Variants in COX10 observed in about 807,000 individuals in gnomAD.
COX10 encodes the protein protoheme IX farnesyltransferase, mitochondrial.
In COX10, 27 loss-of-function variants were observed where a neutral mutation model predicts 37.3. That is an observed-to-expected ratio of 0.72 (90% CI 0.53 to 1.00). COX10 has a LOEUF of 1.00. COX10 is among the 50% of genes least tolerant of loss of function. COX10 has a pLI of 0.00. For synonymous variants in COX10, 222 were observed against 229.1 expected, an observed-to-expected ratio of 0.97 and a Z score of 0.28; for missense variants, 475 against 563.2, an observed-to-expected ratio of 0.84 and a Z score of 1.59.
intron 3 of COX10, among the ~76,000 whole-genome samples, chr17:14,091,397 G>A (rs1320409800): frequency 6.6e-6 from 1 of 152,120 alleles, no homozygotes; most frequent in African/African-American, 2.4e-5. Flanking sequence ...CACCAATAAG[G>A]GAAGTCTTTT....
intron 4 of COX10, among the ~76,000 whole-genome samples, chr17:14,122,427 AT>A (rs1916250568): frequency 6.6e-6 from 1 of 152,194 alleles, no homozygotes; most frequent in Admixed American, 6.5e-5. Context: ...ATCCTTGCTT[AT>A]CCACTTACAG....
At chr17:14,070,570 A>G (rs1374168556) in intron 1 of COX10, among the ~76,000 whole-genome samples, 1 of 152,144 alleles carries the variant, frequency 6.6e-6, no homozygotes, top group Non-Finnish European at 1.5e-5. Flanking sequence ...TAGATGATTA[A>G]CTAATGGTTG....
chr17:14,146,497 C>A (rs923064716), intron 4 of COX10, among the ~76,000 whole-genome samples: 1 of 152,064 alleles, frequency 6.6e-6, no homozygotes, highest in Non-Finnish European at 1.5e-5. Context: ...AAAATCAAAT[C>A]AAAATGGATT....
chr17:14,112,899 G>T (rs1225563294), intron 4 of COX10, among the ~76,000 whole-genome samples: 1 of 152,150 alleles, frequency 6.6e-6, no homozygotes, highest in East Asian at 1.9e-4. Context: ...AAAGAAGCAG[G>T]AGGGCAGGCC....
At chr17:14,156,043 C>T (rs1346958752) in intron 4 of COX10, among the ~76,000 whole-genome samples, 1 of 152,156 alleles carries the variant, frequency 6.6e-6, no homozygotes, top group African/African-American at 2.4e-5. Flanking sequence ...ACCAGCCATC[C>T]AGCAACACTC....
chr17:14,146,088 A>G (rs1157612582), intron 4 of COX10, among the ~76,000 whole-genome samples: 1 of 152,080 alleles, frequency 6.6e-6, no homozygotes, highest in African/African-American at 2.4e-5. Context: ...TGGTCTTATG[A>G]CATTCTTCAT....
At chr17:14,191,935 T>G (rs1379065548) in intron 5 of COX10, 54 bp from the exon 6 acceptor site, 1 of 1,584,174 alleles carries the variant, frequency 6.3e-7, no homozygotes, top group Admixed American at 1.7e-5. Flanking sequence ...TTTTAGGTAG[T>G]GTGATTGAGT....
chr17:14,188,171 TC>T lies in COX10; in HGVS notation c.696-3817del, dbSNP rs562111268. On this transcript the variant is annotated intron_variant, in intron 5 of 6. Coordinates refer to ENST00000261643, the MANE Select transcript of COX10 (RefSeq NM_001303.4). ...ATAAAATGTTTATCAGCCACATTTT[TC>T]TCCCTCCCAAAATAAAGCTAGTTTT... Among the ~76,000 whole-genome samples the T allele has an allele frequency of 1.0e-3, 144 of 140,628 alleles. 1 individual carries two copies. Among genetic ancestry groups the T allele is most frequent in the African/African-American group, 3.5e-3 (138 of 38,894 alleles). The allele number at this position is 140,628 out of a possible 152,430, so 92.3% of individuals were successfully genotyped here. A position where few individuals can be genotyped will look rare whatever the true frequency, so the allele number is the denominator to read the frequency against.
At chr17:14,129,419 T>C (rs1916414995) in intron 4 of COX10, among the ~76,000 whole-genome samples, 1 of 152,186 alleles carries the variant, frequency 6.6e-6, no homozygotes, top group Non-Finnish European at 1.5e-5. Flanking sequence ...AGTTCTCAGT[T>C]TGTCCTCCCT....
At chr17:14,099,809 C>T (rs1915735555) in intron 3 of COX10, among the ~76,000 whole-genome samples, 1 of 151,968 alleles carries the variant, frequency 6.6e-6, no homozygotes, top group African/African-American at 2.4e-5. Flanking sequence ...TTTCATATTT[C>T]GTCTGCGTTC....
chr17:14,172,425 G>A (rs558043611), intron 5 of COX10, among the ~76,000 whole-genome samples: 116 of 152,002 alleles, frequency 7.6e-4, no homozygotes, highest in African/African-American at 2.6e-3. Context: ...CAACATCTTC[G>A]TTTTTTGTCT....
chr17:14,176,654 A>G (rs1905702065), intron 5 of COX10, among the ~76,000 whole-genome samples: 1 of 152,050 alleles, frequency 6.6e-6, no homozygotes, highest in Non-Finnish European at 1.5e-5. Flanking sequence ...AGTTCAGGGG[A>G]TTTTAAAGGA....
intron 3 of COX10, among the ~76,000 whole-genome samples, chr17:14,092,143 T>A (rs1915541948): frequency 6.6e-6 from 1 of 152,138 alleles, no homozygotes; most frequent in Non-Finnish European, 1.5e-5. Context: ...AGAACAAGCT[T>A]AGGATCTCAC....
rs551682145 is a variant in COX10, at chr17:14,182,246, G to A, written c.696-9743G>A. On this transcript the variant is annotated intron_variant, in intron 5 of 6. Coordinates refer to ENST00000261643, the MANE Select transcript of COX10 (RefSeq NM_001303.4). ...GAGTTTGAGCATTTTTTAGAGATGG[G>A]ACCCCATTTCTTAAAATAAATAAAT... 18 of 754,808 alleles carry A rather than the reference G, an allele frequency of 2.4e-5. No individual in the cohort carries two copies. In the East Asian group the frequency reaches 1.3e-3, roughly 55 times the overall value. 46.8% of individuals were successfully genotyped at this position (754,808 alleles called of 1,614,324 possible). A position where few individuals can be genotyped will look rare whatever the true frequency, so the allele number is the denominator to read the frequency against.
chr17:14,131,431 A>G (rs1219271105), intron 4 of COX10, among the ~76,000 whole-genome samples: 2 of 152,098 alleles, frequency 1.3e-5, no homozygotes, highest in Non-Finnish European at 2.9e-5. Flanking sequence ...TTTTTCATAT[A>G]TGAGTATCAG....
intron 4 of COX10, among the ~76,000 whole-genome samples, chr17:14,151,735 T>A (rs919463246): frequency 2.0e-5 from 3 of 152,222 alleles, no homozygotes; most frequent in African/African-American, 7.2e-5. Flanking sequence ...TTATTCCAAA[T>A]ACTTACACAT....
chr17:14,133,538 G>A (rs1916511432), intron 4 of COX10, among the ~76,000 whole-genome samples: 1 of 151,510 alleles, frequency 6.6e-6, no homozygotes, highest in African/African-American at 2.4e-5. Context: ...AACATGATTT[G>A]TAATTATACT....
rs925143662 is a variant in COX10 at position 14,112,635 on chromosome 17, G to A, written c.624+10393G>A. Among the ~76,000 whole-genome samples the A allele has an allele frequency of 9.9e-5, 15 of 152,140 alleles. No individual in the cohort carries two copies. In the East Asian group the frequency reaches 2.7e-3, roughly 27 times the overall value. On this transcript the variant is annotated intron_variant, in intron 4 of 6. Transcript: ENST00000261643. Reference sequence around the variant, plus strand: ...GCAGTGCCTTAGGCAAGTAAAGGAAGGTGTAGGGAGTGGCCGTTTCTACCT... The same window carrying A: ...GCAGTGCCTTAGGCAAGTAAAGGAAAGTGTAGGGAGTGGCCGTTTCTACCT...
chr17:14,185,358 AC>A (rs1279871704), intron 5 of COX10, among the ~76,000 whole-genome samples: 2 of 147,512 alleles, frequency 1.4e-5, no homozygotes, highest in Non-Finnish European at 3.0e-5. Flanking sequence ...ACCTAAAATA[AC>A]AAGAAATCAG....
Sources: gnomAD v4.1 joint callset for allele counts (sites outside exome capture counted in the v4.1 genomes callset) on GRCh38, gnomAD v4.1.1 for gene constraint, MANE v1.5 for transcripts, NCBI Gene and HGNC (gene_info 2026-07-23, HGNC 2026-07-21) for gene names.